Variants in NKAIN2 observed in about 807,000 individuals in gnomAD.
NKAIN2 encodes sodium/potassium-transporting ATPase subunit beta-1-interacting protein 2.
In NKAIN2, 14 loss-of-function variants were observed where a neutral mutation model predicts 32.6. That is an observed-to-expected ratio of 0.43 (90% CI 0.28 to 0.67). NKAIN2 has a LOEUF of 0.67. NKAIN2 is among the 30% of genes least tolerant of loss of function. The pLI is 0.17. For missense variants in NKAIN2, 198 were observed against 258.3 expected, an observed-to-expected ratio of 0.77 and a Z score of 1.60; for synonymous variants, 80 against 87.2, an observed-to-expected ratio of 0.92 and a Z score of 0.46.
intron 1 of NKAIN2, among the ~76,000 whole-genome samples, chr6:123,976,860 T>C (rs1463406800): frequency 6.6e-6 from 1 of 152,222 alleles, no homozygotes; most frequent in African/African-American, 2.4e-5. Context: ...TCAGTGTCAT[T>C]ACCAGTATAT....
At chr6:124,240,376 T>C (rs1340412138) in intron 1 of NKAIN2, among the ~76,000 whole-genome samples, 2 of 151,804 alleles carry the variant, frequency 1.3e-5, no homozygotes, top group Non-Finnish European at 2.9e-5. Flanking sequence ...AAACAGAGAC[T>C]CCTCCCTAAC....
chr6:124,392,965 C>T (rs1027193125), intron 3 of NKAIN2, among the ~76,000 whole-genome samples: 2 of 152,012 alleles, frequency 1.3e-5, no homozygotes, highest in Non-Finnish European at 2.9e-5. Flanking sequence ...TGATTGCACC[C>T]CTGCACTCCA....
intron 3 of NKAIN2, among the ~76,000 whole-genome samples, chr6:124,534,970 A>G (rs1396466621): frequency 1.3e-5 from 2 of 152,310 alleles, no homozygotes; most frequent in South Asian, 2.1e-4. Flanking sequence ...TAACCTTCAT[A>G]TATCCTCCTG....
intron 3 of NKAIN2, among the ~76,000 whole-genome samples, chr6:124,371,693 C>CAAAAAAA (rs10679200): frequency 3.1e-5 from 3 of 95,708 alleles, no homozygotes; most frequent in African/African-American, 7.8e-5. Context: ...GACTCTGTCT[C>CAAAAAAA]AAAAAAAAAA....
intron 3 of NKAIN2, among the ~76,000 whole-genome samples, chr6:124,385,725 T>C (rs1355159229): frequency 6.6e-6 from 1 of 152,026 alleles, no homozygotes; most frequent in African/African-American, 2.4e-5. Context: ...GTTCTATAGG[T>C]GAACATATCT....
chr6:124,408,050 T>A (rs1435477058), intron 3 of NKAIN2, among the ~76,000 whole-genome samples: 1 of 152,192 alleles, frequency 6.6e-6, no homozygotes, highest in African/African-American at 2.4e-5. Context: ...GTTGTTTGTT[T>A]TTTTCTTGTA....
At chr6:124,371,650 C>T (rs1485249394) in intron 3 of NKAIN2, among the ~76,000 whole-genome samples, 10 of 145,486 alleles carry the variant, frequency 6.9e-5, no homozygotes, top group East Asian at 4.0e-4. Flanking sequence ...ACCAAGATTG[C>T]GCCACTGCAC....
intron 3 of NKAIN2, among the ~76,000 whole-genome samples, chr6:124,422,956 T>A (rs149284315): frequency 6.6e-6 from 1 of 152,268 alleles, no homozygotes; most frequent in African/African-American, 2.4e-5. Flanking sequence ...CAAAAGAAAA[T>A]TATTTTCAAA....
At chr6:124,116,568 C>T (rs1379741450) in intron 1 of NKAIN2, among the ~76,000 whole-genome samples, 2 of 151,902 alleles carry the variant, frequency 1.3e-5, no homozygotes, top group African/African-American at 2.4e-5. Flanking sequence ...TGCAATAATA[C>T]TGCTGAAAAA....
chr6:123,998,901 A>T (rs1442017795), intron 1 of NKAIN2, among the ~76,000 whole-genome samples: 4 of 151,658 alleles, frequency 2.6e-5, no homozygotes, highest in Non-Finnish European at 5.9e-5. Context: ...TTTAATTTAC[A>T]GTTTTCAAAA....
chr6:124,567,002 C>T (rs1010022290), intron 3 of NKAIN2, among the ~76,000 whole-genome samples: 2 of 152,174 alleles, frequency 1.3e-5, no homozygotes, highest in African/African-American at 4.8e-5. Flanking sequence ...ATGTAAACCG[C>T]GCTTATTCAA....
intron 1 of NKAIN2, among the ~76,000 whole-genome samples, chr6:124,131,252 C>T (rs1196616441): frequency 6.6e-6 from 1 of 152,140 alleles, no homozygotes; most frequent in African/African-American, 2.4e-5. Flanking sequence ...TCAAGTGATC[C>T]TCCTGCCTCA....
At chr6:124,334,829 C>T (rs1399538755) in intron 2 of NKAIN2, among the ~76,000 whole-genome samples, 1 of 152,160 alleles carries the variant, frequency 6.6e-6, no homozygotes, top group Non-Finnish European at 1.5e-5. Context: ...GGGCTATTGT[C>T]ATCTTTATTT....
chr6:124,297,186 A>C (rs559708836), intron 2 of NKAIN2, among the ~76,000 whole-genome samples: 1 of 152,306 alleles, frequency 6.6e-6, no homozygotes, highest in African/African-American at 2.4e-5. Flanking sequence ...ACACACAGTC[A>C]AAAATCTGCA....
intron 1 of NKAIN2, among the ~76,000 whole-genome samples, chr6:124,125,958 C>G (rs1786143785): frequency 6.6e-6 from 1 of 152,108 alleles, no homozygotes; most frequent in Non-Finnish European, 1.5e-5. Flanking sequence ...GTGTTTCGCT[C>G]TTGGCTCATC....
chr6:124,315,647 C>T (rs1464949561), intron 2 of NKAIN2, among the ~76,000 whole-genome samples: 2 of 152,024 alleles, frequency 1.3e-5, no homozygotes, highest in African/African-American at 4.8e-5. Context: ...GTCGAATCTC[C>T]AGATATAAAT....
chr6:124,577,827 G>A (rs541401374), intron 3 of NKAIN2, among the ~76,000 whole-genome samples: 1 of 152,212 alleles, frequency 6.6e-6, no homozygotes, highest in South Asian at 2.1e-4. Flanking sequence ...AGAGGACAAG[G>A]AAAAGTAAAG....
At position 124,391,161 on chromosome 6, in the gene NKAIN2, TAA is replaced by T. The variant is rs1210734574; in HGVS notation, c.273+35817_273+35818del. 3 of 152,132 alleles carry T rather than the reference TAA, an allele frequency of 2.0e-5. No individual in the cohort carries two copies. The South Asian group carries it at 6.2e-4, about 31-fold the overall frequency. 9.4% of individuals were successfully genotyped at this position (152,132 alleles called of 1,614,324 possible). On this transcript the variant is annotated intron_variant, in intron 3 of 6. Coordinates refer to ENST00000368417, the MANE Select transcript of NKAIN2 (RefSeq NM_001040214.3). ...ATGGTTAAAGCCTTGCTATCCAGGA[TAA>T]AATGATCCAAACATGAATGCTTACT...
At chr6:124,219,848 G>T (rs1466373875) in intron 1 of NKAIN2, among the ~76,000 whole-genome samples, 2 of 151,972 alleles carry the variant, frequency 1.3e-5, no homozygotes, top group African/African-American at 4.8e-5. Context: ...AAGGATAAGA[G>T]ATATACTAAC....
Sources: gnomAD v4.1 joint callset for allele counts (sites outside exome capture counted in the v4.1 genomes callset) on GRCh38, gnomAD v4.1.1 for gene constraint, MANE v1.5 for transcripts, NCBI Gene and HGNC (gene_info 2026-07-23, HGNC 2026-07-21) for gene names.